The following IL1RAP variants were observed in gnomAD, a reference collection of about 807,000 sequenced individuals.
IL1RAP encodes interleukin-1 receptor accessory protein.
In IL1RAP, 35 loss-of-function variants were observed where a neutral mutation model predicts 60.7. The ratio of observed to expected loss-of-function variants is 0.58; its 90% confidence interval spans 0.44 to 0.76. The LOEUF is 0.76. IL1RAP is among the 30% of genes least tolerant of loss of function. The probability of loss-of-function intolerance (pLI) is 0.00; values close to 1 mark genes in which losing one functional copy is unlikely to be tolerated. For synonymous variants in IL1RAP, 268 were observed against 250.9 expected (o/e 1.07, Z -0.64); for missense variants, 572 against 693.9 (o/e 0.82, Z 1.97).
Position 190,595,798 on chromosome 3 carries a change from T to C in IL1RAP, c.65-8330T>C, listed in dbSNP as rs545397208. Among the ~76,000 whole-genome samples, 33 of 152,352 alleles carry C rather than the reference T, an allele frequency of 2.2e-4. No homozygotes were observed. The South Asian group carries it at 3.3e-3, about 15-fold the overall frequency. On this transcript the variant is annotated intron_variant, in intron 3 of 11. Coordinates refer to ENST00000447382, the MANE Select transcript of IL1RAP (RefSeq NM_002182.4). ...AGAATTAATATAAAATGTAGCACAA[T>C]ATAATATAATAGCATTTAATATTAT...
intron 3 of IL1RAP, among the ~76,000 whole-genome samples, chr3:190,574,580 C>T (rs1203816808): frequency 6.6e-6 from 1 of 152,214 alleles, no homozygotes; most frequent in East Asian, 1.9e-4. Context: ...TGTTAAGGGA[C>T]TCAGTCAAGG....
downstream of IL1RAP, among the ~76,000 whole-genome samples, chr3:190,652,987 A>G (rs1295923150): frequency 6.6e-6 from 1 of 152,216 alleles, no homozygotes; most frequent in African/African-American, 2.4e-5. Flanking sequence ...ACAGTATGGT[A>G]TGAGAGACGG....
At chr3:190,626,480 A>C (rs1732273985) in intron 7 of IL1RAP, among the ~76,000 whole-genome samples, 1 of 151,910 alleles carries the variant, frequency 6.6e-6, no homozygotes, top group Non-Finnish European at 1.5e-5. Flanking sequence ...ATGCACCCTG[A>C]TAGGTGGAGC....
intron 2 of IL1RAP, among the ~76,000 whole-genome samples, chr3:190,561,917 C>T (rs1725919326): frequency 6.6e-6 from 1 of 152,136 alleles, no homozygotes; most frequent in Non-Finnish European, 1.5e-5. Context: ...ACGCGCCTGG[C>T]AGTGCTCTAT....
intron 9 of IL1RAP, among the ~76,000 whole-genome samples, chr3:190,643,890 G>A (rs186199729): frequency 1.4e-3 from 211 of 152,286 alleles, no homozygotes; most frequent in Middle Eastern, 3.4e-3. Flanking sequence ...GATATGGACC[G>A]AGGATGGAAT....
rs139212845 is a variant in IL1RAP, at chr3:190,592,809, C to T, written c.65-11319C>T. ...CTTCGTAGGATTGGTTGTTTTCATC[C>T]GTCAGGGTTCACTTTCCTTTCTTAC... On this transcript the variant is annotated intron_variant, in intron 3 of 11. Transcript: ENST00000447382. Among the ~76,000 whole-genome samples the T allele has an allele frequency of 3.4e-3, 514 of 152,144 alleles. 6 individuals are homozygous for T. The highest frequency in any genetic ancestry group is 0.017 in the Middle Eastern group (5 of 294).
At chr3:190,595,184 T>G (rs991375934) in intron 3 of IL1RAP, among the ~76,000 whole-genome samples, 1 of 152,228 alleles carries the variant, frequency 6.6e-6, no homozygotes, top group Non-Finnish European at 1.5e-5. Flanking sequence ...TTTGTTTTGT[T>G]TGCCAGTGCA....
chr3:190,569,858 A>G (rs1726761624), intron 3 of IL1RAP, among the ~76,000 whole-genome samples: 1 of 152,132 alleles, frequency 6.6e-6, no homozygotes, highest in South Asian at 2.1e-4. Flanking sequence ...GTAGGAAAAA[A>G]TGTTTGTTTT....
At chr3:190,634,707 G>GTTTTTTTTTTGTTTTTT (rs1733056790) in intron 9 of IL1RAP, among the ~76,000 whole-genome samples, 4 of 134,712 alleles carry the variant, frequency 3.0e-5, no homozygotes, top group African/African-American at 1.2e-4. Flanking sequence ...GGCCTGTTGT[G>GTTTTTTTTTTGTTTTTT]TTTTTTTTTT....
intron 3 of IL1RAP, among the ~76,000 whole-genome samples, chr3:190,565,726 C>T (rs779930221): frequency 3.9e-5 from 6 of 152,086 alleles, no homozygotes; most frequent in Admixed American, 1.3e-4. Context: ...TTAGGTGTCG[C>T]GTTTGATAGG....
chr3:190,555,840 C>T (rs368321876), intron 1 of IL1RAP: 1 of 152,144 alleles, frequency 6.6e-6, no homozygotes, highest in Non-Finnish European at 1.5e-5. Flanking sequence ...CTCCTCCTTC[C>T]AGCCTTGAAG....
In IL1RAP at chr3:190,649,234, C is replaced by T. The variant is rs1734248779; in HGVS notation, c.*529C>T. The T allele has an allele frequency of 1.0e-6, 1 of 985,758 alleles. No homozygotes were observed. The highest frequency in any genetic ancestry group is 1.1e-4 in the East Asian group (1 of 8,834). 61.1% of individuals were successfully genotyped at this position (985,758 alleles called of 1,614,324 possible). On this transcript the variant is annotated 3_prime_UTR_variant, in exon 12 of 12. Coordinates refer to ENST00000447382, the MANE Select transcript of IL1RAP (RefSeq NM_002182.4). ...ACATAACCACAGCAAGACTGACATC[C>T]ACTTAGGATGATACAAAGCAGTGTA... is the stretch of plus-strand genomic sequence containing the variant.
chr3:190,651,798 T>A (rs1190887907), downstream of IL1RAP, among the ~76,000 whole-genome samples: 1 of 152,108 alleles, frequency 6.6e-6, no homozygotes, highest in Non-Finnish European at 1.5e-5. Flanking sequence ...TGTGTATGTG[T>A]ATGTGTATGT....
chr3:190,599,698 T>C (rs1729689780), intron 3 of IL1RAP, among the ~76,000 whole-genome samples: 1 of 147,928 alleles, frequency 6.8e-6, no homozygotes, highest in South Asian at 2.2e-4. Flanking sequence ...CTTGGTATTT[T>C]GGGTTTTTTT....
chr3:190,532,180 GA>G (rs1316817756), intron 1 of IL1RAP, among the ~76,000 whole-genome samples: 1 of 151,438 alleles, frequency 6.6e-6, no homozygotes, highest in Non-Finnish European at 1.5e-5. Flanking sequence ...GTAATGAGGG[GA>G]AAAAAGGATA....
intron 3 of IL1RAP, among the ~76,000 whole-genome samples, chr3:190,580,965 C>T (rs6444434): frequency 0.35 from 53,699 of 151,968 alleles, 9,764 homozygotes; most frequent in East Asian, 0.51. Context: ...ATACAGCTTT[C>T]TGTATGTCAA....
chr3:190,621,692 C>G (rs565832316), intron 6 of IL1RAP, among the ~76,000 whole-genome samples: 1 of 152,150 alleles, frequency 6.6e-6, no homozygotes, highest in Non-Finnish European at 1.5e-5. Context: ...GTAGCATATC[C>G]TTAATATATA....
rs377328924 is a variant in IL1RAP at position 190,648,351 on chromosome 3, G to C, written c.1359G>C (p.Glu453Asp). The change falls in exon 12 of 12, where the codon GAG (glutamate) becomes GAC (aspartate). Residue 453 changes from glutamate (E) to aspartate (D), a missense_variant. Physicochemically the swap from Glu to Asp is conservative, Grantham distance 45. Transcript: ENST00000447382. ...TTTCTTTCCCAGTTGTCACAGATGAGACTTTGAGCTTCATTCAGAAAAGCA... is the reference window on the plus strand; with the variant it reads ...TTTCTTTCCCAGTTGTCACAGATGACACTTTGAGCTTCATTCAGAAAAGCA... ...DSLPGGIVTD[E>D]TLSFIQKSRR... 46 of 1,590,200 alleles carry C rather than the reference G, an allele frequency of 2.9e-5. No homozygotes were observed. Among genetic ancestry groups the C allele is most frequent in the Non-Finnish European group, 3.8e-5 (45 of 1,173,180 alleles).
At chr3:190,540,243 C>T (rs1723813851) in intron 1 of IL1RAP, among the ~76,000 whole-genome samples, 1 of 152,072 alleles carries the variant, frequency 6.6e-6, no homozygotes, top group African/African-American at 2.4e-5. Flanking sequence ...TCTCTCTCTT[C>T]TCTCTTCCGT....
Sources: gnomAD v4.1 joint callset for allele counts (sites outside exome capture counted in the v4.1 genomes callset) on GRCh38, gnomAD v4.1.1 for gene constraint, MANE v1.5 for transcripts, NCBI Gene and HGNC (gene_info 2026-07-23, HGNC 2026-07-21) for gene names.